Variants in FHIT observed in about 807,000 individuals in gnomAD.
FHIT encodes the protein bis(5'-adenosyl)-triphosphatase.
FHIT carries 19 observed loss-of-function variants against 17.9 expected under a neutral mutation model. The ratio of observed to expected loss-of-function variants is 1.06; its 90% CI spans 0.74 to 1.56. The LOEUF (loss-of-function observed/expected upper bound fraction) is 1.56, where lower values mean the gene tolerates loss of function less well. Ranked by LOEUF, FHIT falls within the 40% of genes most tolerant of loss-of-function variation. FHIT has a pLI of 0.00. For synonymous variants in FHIT, 81 were observed against 69.7 expected (o/e 1.16, Z -0.81); for missense variants, 248 against 189.2 (o/e 1.31, Z -1.82).
intron 3 of FHIT, among the ~76,000 whole-genome samples, chr3:60,960,052 G>C (rs1709344654): frequency 6.6e-6 from 1 of 150,494 alleles, no homozygotes; most frequent in Non-Finnish European, 1.5e-5. Flanking sequence ...TGAATGATAA[G>C]TTTTGGGGCA....
At chr3:60,537,671 G>A (rs867440435) in intron 4 of FHIT, among the ~76,000 whole-genome samples, 1 of 152,132 alleles carries the variant, frequency 6.6e-6, no homozygotes. Flanking sequence ...GGGGCCGGGG[G>A]CAGGAAAGGG....
At chr3:60,773,726 T>C (rs1553723777) in intron 4 of FHIT, among the ~76,000 whole-genome samples, 2 of 152,252 alleles carry the variant, frequency 1.3e-5, no homozygotes, top group Non-Finnish European at 2.9e-5. Flanking sequence ...CCCTTTGGCC[T>C]TATAGTTTAT....
intron 5 of FHIT, among the ~76,000 whole-genome samples, chr3:60,333,888 T>A (rs1479318120): frequency 1.3e-5 from 2 of 152,206 alleles, no homozygotes; most frequent in Non-Finnish European, 2.9e-5. Flanking sequence ...CCATCATGAT[T>A]GCCTAACAGA....
intron 7 of FHIT, among the ~76,000 whole-genome samples, chr3:60,006,056 G>A (rs1041664512): frequency 6.6e-6 from 1 of 152,216 alleles, no homozygotes; most frequent in East Asian, 1.9e-4. Flanking sequence ...GCAAAGCATG[G>A]GGCAGGCAGG....
chr3:61,199,961 T>C (rs1473561369), intron 2 of FHIT, among the ~76,000 whole-genome samples: 1 of 152,182 alleles, frequency 6.6e-6, no homozygotes, highest in African/African-American at 2.4e-5. Flanking sequence ...GGTATGCTCA[T>C]AAATATACCT....
At chr3:60,700,130 C>CA (rs55852235) in intron 4 of FHIT, among the ~76,000 whole-genome samples, 107,151 of 134,260 alleles carry the variant, frequency 0.8, 42,993 homozygotes, top group Non-Finnish European at 0.88. Flanking sequence ...GAGTCTGTCT[C>CA]AAAAAAAAAA....
chr3:60,407,635 C>G (rs1014616506), intron 5 of FHIT, among the ~76,000 whole-genome samples: 1 of 152,130 alleles, frequency 6.6e-6, no homozygotes, highest in African/African-American at 2.4e-5. Context: ...CTATCTCGGC[C>G]TCCCAAATAG....
At chr3:60,581,975 AAACACC>A (rs1559556641) in intron 4 of FHIT, among the ~76,000 whole-genome samples, 1 of 152,084 alleles carries the variant, frequency 6.6e-6, no homozygotes, top group Non-Finnish European at 1.5e-5. Flanking sequence ...TAAGAAGAGC[AAACACC>A]ATTGCAATGT....
intron 5 of FHIT, among the ~76,000 whole-genome samples, chr3:60,479,974 G>A (rs1350159234): frequency 6.6e-6 from 1 of 152,120 alleles, no homozygotes; most frequent in Non-Finnish European, 1.5e-5. Flanking sequence ...GGCTATACTG[G>A]TTGATGTTGT....
At chr3:60,410,678 T>A (rs532393030) in intron 5 of FHIT, among the ~76,000 whole-genome samples, 1 of 152,304 alleles carries the variant, frequency 6.6e-6, no homozygotes, top group Non-Finnish European at 1.5e-5. Context: ...AACAGTATAT[T>A]CTTCATTTCA....
At chr3:60,531,364 C>T (rs972075656) in intron 5 of FHIT, among the ~76,000 whole-genome samples, 5 of 150,552 alleles carry the variant, frequency 3.3e-5, no homozygotes, top group Non-Finnish European at 7.4e-5. Flanking sequence ...CTGCAAGCTC[C>T]GCCTCCCGGG....
chr3:59,902,834 C>G (rs570947250), intron 8 of FHIT, among the ~76,000 whole-genome samples: 1 of 152,280 alleles, frequency 6.6e-6, no homozygotes, highest in African/African-American at 2.4e-5. Flanking sequence ...TACAAACTTT[C>G]AGTTATAAGA....
chr3:60,617,922 T>C (rs1188560707), intron 4 of FHIT: 15 of 236,100 alleles, frequency 6.4e-5, no homozygotes, highest in African/African-American at 2.6e-4. Flanking sequence ...TAATTTGTGA[T>C]AACTGAAAAA....
chr3:60,278,796 A>C (rs1398467588), intron 5 of FHIT, among the ~76,000 whole-genome samples: 1 of 152,202 alleles, frequency 6.6e-6, no homozygotes, highest in Admixed American at 6.5e-5. Flanking sequence ...GGCATGCAAA[A>C]AGAAATTTCT....
chr3:60,732,603 T>G, intron 4 of FHIT: 1 of 555,896 alleles, frequency 1.8e-6, no homozygotes, highest in Non-Finnish European at 3.5e-6. Flanking sequence ...TCCGTGTCAA[T>G]GGCAATGTGG....
chr3:60,718,020 G>A (rs2041726286), intron 4 of FHIT, among the ~76,000 whole-genome samples: 1 of 152,084 alleles, frequency 6.6e-6, no homozygotes. Context: ...ATAGTTTTCT[G>A]TTGTTATATT....
At chr3:60,960,988 G>C (rs1709404934) in intron 3 of FHIT, among the ~76,000 whole-genome samples, 1 of 152,172 alleles carries the variant, frequency 6.6e-6, no homozygotes, top group South Asian at 2.1e-4. Flanking sequence ...TCTAGTTCTA[G>C]ATCCTTGAAG....
At chr3:61,119,593 T>A (rs545505750) in intron 2 of FHIT, among the ~76,000 whole-genome samples, 1 of 152,280 alleles carries the variant, frequency 6.6e-6, no homozygotes, top group East Asian at 1.9e-4. Flanking sequence ...TCTGGGTGTG[T>A]CTGTGAAACA....
chr3:59,752,379 A>T, intron 8 of FHIT, 58 bp from the exon 9 acceptor site: 2 of 1,389,288 alleles, frequency 1.4e-6, no homozygotes, highest in Non-Finnish European at 2.0e-6. Flanking sequence ...CTCCTTGAAC[A>T]AATTTCGGGG....
Sources: gnomAD v4.1 joint callset for allele counts (sites outside exome capture counted in the v4.1 genomes callset) on GRCh38, gnomAD v4.1.1 for gene constraint, MANE v1.5 for transcripts, NCBI Gene and HGNC (gene_info 2026-07-23, HGNC 2026-07-21) for gene names.